Variants in PPP2R2D observed in about 807,000 individuals in gnomAD.
PPP2R2D encodes the protein protein phosphatase 2 regulatory subunit Bdelta, also known as serine/threonine-protein phosphatase 2A 55 kDa regulatory subunit B delta isoform.
A neutral mutation model predicts 31.1 loss-of-function variants in PPP2R2D; 9 were observed. That is an observed-to-expected ratio of 0.29 (90% confidence interval 0.17 to 0.51). The LOEUF is 0.51. Among genes scored for constraint, PPP2R2D ranks in the 20% least tolerant of loss-of-function variants. The pLI, the probability that PPP2R2D is intolerant of heterozygous loss-of-function variation, is 0.98. For missense variants in PPP2R2D, 391 were observed against 465.6 expected (o/e 0.84, Z 1.48); for synonymous variants, 179 against 172.6 (o/e 1.04, Z -0.29).
At chr10:131,901,185 C>T (rs2035486805) in intron 1 of PPP2R2D, 30 bp downstream of exon 1, 2 of 328,762 alleles carry the variant, frequency 6.1e-6, no homozygotes, top group South Asian at 1.4e-4. Context: ...CGGCGGGGAC[C>T]ACGGGGGCGG....
At chr10:131,935,989 G>T (rs1394279584) in intron 3 of PPP2R2D, among the ~76,000 whole-genome samples, 1 of 152,018 alleles carries the variant, frequency 6.6e-6, no homozygotes, top group Non-Finnish European at 1.5e-5. Flanking sequence ...CTTGAACCCA[G>T]GAGGCAGAGG....
chr10:131,947,160 A>C lies in PPP2R2D; in HGVS notation c.821-370A>C, dbSNP rs1018249205. 2.6e-5 allele frequency among the ~76,000 whole-genome samples: 4 copies of C among 152,014 alleles called. No individual in the cohort carries two copies. The highest frequency in any genetic ancestry group is 5.9e-5 in the Non-Finnish European group (4 of 67,988). On this transcript the variant is annotated intron_variant, in intron 7 of 8. Transcript: ENST00000455566. This position sits in a 1 kb window ranked among gnomAD's most constrained non-coding sequence, Gnocchi z 4.3. ...CCTGGTGCCATGAGGACGCGGAGAC[A>C]CTCCTACAGGAATGCGGTGGTGCTG... is the stretch of plus-strand genomic sequence containing the variant.
At chr10:131,906,649 G>A (rs953979955) in intron 2 of PPP2R2D, among the ~76,000 whole-genome samples, 3 of 151,932 alleles carry the variant, frequency 2.0e-5, no homozygotes. Flanking sequence ...TGTCTGGCTC[G>A]GTGGCTCACG....
At chr10:131,952,548 G>T (rs1336569608) in intron 8 of PPP2R2D, among the ~76,000 whole-genome samples, 2 of 91,734 alleles carry the variant, frequency 2.2e-5, no homozygotes, top group African/African-American at 9.9e-5. Flanking sequence ...TTAGTGACTT[G>T]CGGGTGTGCG....
At chr10:131,910,833 A>C (rs1262429093) in intron 2 of PPP2R2D, among the ~76,000 whole-genome samples, 5 of 152,100 alleles carry the variant, frequency 3.3e-5, no homozygotes, top group African/African-American at 9.7e-5. Context: ...GGGAGTGGTG[A>C]GGGGTGGGGG....
chr10:131,944,832 G>A (rs1227881804), intron 6 of PPP2R2D, among the ~76,000 whole-genome samples: 1 of 152,124 alleles, frequency 6.6e-6, no homozygotes, highest in Non-Finnish European at 1.5e-5. Flanking sequence ...TTCTGTATAG[G>A]ATTTCTGTTG....
At chr10:131,960,500 CACG>C, downstream of PPP2R2D, among the ~76,000 whole-genome samples, 1 of 152,342 alleles carries the variant, frequency 6.6e-6, no homozygotes, top group Non-Finnish European at 1.5e-5. Flanking sequence ...TTGGAGGCCA[CACG>C]ACTGGCAGGT....
chr10:131,956,253 TC>T lies in PPP2R2D; in HGVS notation c.*292del. ...AATGTATTTATTTCAGTCCGAGCCT[TC>T]CTTTCCAATTTATAGACCAAAAAAT... On this transcript the variant is annotated 3_prime_UTR_variant, in exon 9 of 9. Transcript: ENST00000455566. 9.0e-7 allele frequency: 1 copy of T among 1,107,264 alleles called. No individual in the cohort carries two copies. The highest frequency in any genetic ancestry group is 1.1e-6 in the Non-Finnish European group (1 of 909,134). 68.6% of individuals were successfully genotyped at this position (1,107,264 alleles called of 1,614,324 possible). A position where few individuals can be genotyped will look rare whatever the true frequency, so the allele number is the denominator to read the frequency against.
At chr10:131,942,217 C>A (rs1275553271) in intron 5 of PPP2R2D, among the ~76,000 whole-genome samples, 1 of 152,208 alleles carries the variant, frequency 6.6e-6, no homozygotes, top group African/African-American at 2.4e-5. Context: ...GACCCTGCCA[C>A]AACCCATCAG....
At chr10:131,914,661 G>T (rs2035745083) in intron 2 of PPP2R2D, among the ~76,000 whole-genome samples, 1 of 152,162 alleles carries the variant, frequency 6.6e-6, no homozygotes, top group African/African-American at 2.4e-5. Flanking sequence ...GGGCCCCTCG[G>T]AGAGCAGTCT....
At chr10:131,971,117 G>C in the PPP2R2D span, 1 of 733,550 alleles carries the variant, frequency 1.4e-6, no homozygotes, top group Non-Finnish European at 2.2e-6. Flanking sequence ...TCCAAGGGGA[G>C]TCCTGGGGCT....
chr10:131,913,696 C>G (rs979473409), intron 2 of PPP2R2D, among the ~76,000 whole-genome samples: 1 of 152,114 alleles, frequency 6.6e-6, no homozygotes, highest in Non-Finnish European at 1.5e-5. Flanking sequence ...CTTACCAAGC[C>G]CAGGTGGTAG....
chr10:131,971,119 C>T, the PPP2R2D span: 1 of 730,778 alleles, frequency 1.4e-6, no homozygotes, highest in Non-Finnish European at 2.2e-6. Flanking sequence ...CAAGGGGAGT[C>T]CTGGGGCTGG....
intron 2 of PPP2R2D, among the ~76,000 whole-genome samples, chr10:131,905,148 C>T (rs1378998406): frequency 1.3e-5 from 2 of 152,116 alleles, no homozygotes; most frequent in Non-Finnish European, 2.9e-5. Context: ...GGTGTATAAG[C>T]AGCAGTCAGT....
At chr10:131,962,752 G>A (rs1346356792), downstream of PPP2R2D, among the ~76,000 whole-genome samples, 2 of 151,964 alleles carry the variant, frequency 1.3e-5, no homozygotes, top group Non-Finnish European at 2.9e-5. Flanking sequence ...CCCAGACCAC[G>A]TGACTGCCTG....
At chr10:131,963,084 G>T (rs1322118242), downstream of PPP2R2D, among the ~76,000 whole-genome samples, 1 of 152,186 alleles carries the variant, frequency 6.6e-6, no homozygotes, top group East Asian at 1.9e-4. Flanking sequence ...ACAATCACTT[G>T]AACCCAGGAG....
At chr10:131,906,228 G>A (rs1383508592) in intron 2 of PPP2R2D, among the ~76,000 whole-genome samples, 1 of 152,182 alleles carries the variant, frequency 6.6e-6, no homozygotes, top group Non-Finnish European at 1.5e-5. Flanking sequence ...GTGGGGAGGG[G>A]TTGGGGGAGG....
intron 2 of PPP2R2D, among the ~76,000 whole-genome samples, chr10:131,908,292 A>G (rs1220247959): frequency 6.6e-6 from 1 of 151,982 alleles, no homozygotes; most frequent in Non-Finnish European, 1.5e-5. Flanking sequence ...TTCTTTGCCT[A>G]GAGTATTTAT....
intron 2 of PPP2R2D, among the ~76,000 whole-genome samples, chr10:131,904,094 C>T (rs2035544081): frequency 6.6e-6 from 1 of 151,930 alleles, no homozygotes; most frequent in African/African-American, 2.4e-5. Context: ...ATTCCAGCTC[C>T]TCAGGAGACT....
Sources: allele counts gnomAD v4.1 joint callset (sites outside exome capture counted in the v4.1 genomes callset), GRCh38; gene constraint gnomAD v4.1.1; non-coding constraint Gnocchi (gnomAD v3.1); transcripts MANE v1.5; gene names NCBI Gene and HGNC (gene_info 2026-07-23, HGNC 2026-07-21).